GPHN: variants seen among roughly 807,000 people sequenced by gnomAD.
GPHN encodes the protein gephyrin.
Under a neutral mutation model 95.5 loss-of-function variants are expected in GPHN, and 17 were observed. The ratio of observed to expected loss-of-function variants is 0.18; its 90% confidence interval spans 0.12 to 0.27. The LOEUF is 0.27. GPHN is among the 10% of genes least tolerant of loss of function. The pLI is 1.00. For missense variants in GPHN, 660 were observed against 978.1 expected, an observed-to-expected ratio of 0.67 and a Z score of 4.34; for synonymous variants, 320 against 322.5, an observed-to-expected ratio of 0.99 and a Z score of 0.08.
chr14:66,598,651 C>A (rs2062086552), intron 1 of GPHN, among the ~76,000 whole-genome samples: 1 of 152,046 alleles, frequency 6.6e-6, no homozygotes, highest in Non-Finnish European at 1.5e-5. Flanking sequence ...TCAAGACCAG[C>A]CTGACCAACA....
At chr14:66,672,645 A>G (rs534424446) in intron 1 of GPHN, among the ~76,000 whole-genome samples, 15 of 152,170 alleles carry the variant, frequency 9.9e-5, no homozygotes, top group Non-Finnish European at 2.1e-4. Context: ...TCATCCCTTT[A>G]TCATAATATA....
At chr14:66,801,053 A>G (rs770319311) in intron 3 of GPHN, among the ~76,000 whole-genome samples, 1 of 151,824 alleles carries the variant, frequency 6.6e-6, no homozygotes, top group Non-Finnish European at 1.5e-5. Context: ...TAGTTACTTA[A>G]TTCTCTTTGT....
chr14:67,190,879 C>T, the GPHN span, among the ~76,000 whole-genome samples: 1 of 152,172 alleles, frequency 6.6e-6, no homozygotes, highest in Admixed American at 6.5e-5. Context: ...TAATTAACCT[C>T]AAAGCTCCAA....
intron 17 of GPHN, among the ~76,000 whole-genome samples, chr14:67,134,858 CTT>C (rs1053607174): frequency 4.1e-5 from 6 of 147,308 alleles, no homozygotes; most frequent in Non-Finnish European, 6.0e-5. Flanking sequence ...TTCTCTTTCT[CTT>C]TCTTTTTTAA....
chr14:66,707,470 A>G (rs1395786067), intron 2 of GPHN, among the ~76,000 whole-genome samples: 1 of 152,220 alleles, frequency 6.6e-6, no homozygotes, highest in Non-Finnish European at 1.5e-5. Context: ...GCACCATGGA[A>G]CACTATGCAG....
At chr14:66,864,086 A>G (rs998094696) in intron 4 of GPHN, among the ~76,000 whole-genome samples, 8 of 152,212 alleles carry the variant, frequency 5.3e-5, no homozygotes, top group African/African-American at 1.9e-4. Context: ...ATTAATAACC[A>G]GAATATGTAA....
chr14:66,771,061 G>A (rs2059149938), intron 2 of GPHN, among the ~76,000 whole-genome samples: 1 of 152,102 alleles, frequency 6.6e-6, no homozygotes, highest in African/African-American at 2.4e-5. Context: ...ACCCAATGAT[G>A]TCCTTCATCC....
chr14:66,808,581 G>A (rs565616900), intron 3 of GPHN, among the ~76,000 whole-genome samples: 136 of 152,302 alleles, frequency 8.9e-4, no homozygotes, highest in Non-Finnish European at 1.6e-4. Context: ...CGAGGATTAC[G>A]AGGTCAGGAG....
chr14:67,353,967 A>G, the GPHN span: 134 of 78,778 alleles, frequency 1.7e-3, no homozygotes, highest in African/African-American at 0.022. Flanking sequence ...TCCCTTTAGA[A>G]AAAAAAAAAA....
At chr14:66,719,287 C>T (rs1240417222) in intron 2 of GPHN, among the ~76,000 whole-genome samples, 2 of 152,186 alleles carry the variant, frequency 1.3e-5, no homozygotes, top group South Asian at 4.1e-4. Flanking sequence ...TGCTTGTGGA[C>T]CCAGAAAGCT....
the GPHN span, chr14:67,574,344 G>C: frequency 6.3e-7 from 1 of 1,597,806 alleles, no homozygotes; most frequent in Non-Finnish European, 8.5e-7. The surrounding 1 kb of genome is among the most constrained non-coding windows in gnomAD (Gnocchi z 4.2). Flanking sequence ...GCAGGCCACC[G>C]GGCCTCCAGC....
At chr14:66,961,945 T>TATATAC (rs1555452362) in intron 8 of GPHN, among the ~76,000 whole-genome samples, 58 of 79,088 alleles carry the variant, frequency 7.3e-4, no homozygotes, top group Admixed American at 2.0e-3. Context: ...TATATATATA[T>TATATAC]ATACACATAT....
the GPHN span, among the ~76,000 whole-genome samples, chr14:67,205,759 G>A: frequency 1.3e-5 from 2 of 152,184 alleles, no homozygotes; most frequent in Non-Finnish European, 1.5e-5. Context: ...TTGGGCAAAC[G>A]TTAGTGACCG....
At chr14:67,683,664 G>A in the GPHN span, among the ~76,000 whole-genome samples, 2 of 152,314 alleles carry the variant, frequency 1.3e-5, no homozygotes, top group Admixed American at 6.5e-5. Flanking sequence ...CCTCCCTAGA[G>A]AATGGATGAT....
the GPHN span, among the ~76,000 whole-genome samples, chr14:67,712,575 A>G: frequency 2.6e-5 from 4 of 151,854 alleles, no homozygotes; most frequent in Non-Finnish European, 5.9e-5. Flanking sequence ...TTTAAATACA[A>G]ACACACCTTG....
the GPHN span, among the ~76,000 whole-genome samples, chr14:67,320,774 T>C: frequency 6.6e-6 from 1 of 152,150 alleles, no homozygotes; most frequent in Non-Finnish European, 1.5e-5. Flanking sequence ...TAGGAGAAGA[T>C]GAGTAGTAGT....
intron 2 of GPHN, among the ~76,000 whole-genome samples, chr14:66,741,410 G>A (rs1374880755): frequency 4.6e-5 from 7 of 152,154 alleles, no homozygotes; most frequent in East Asian, 3.9e-4. Flanking sequence ...TTAGAGCATA[G>A]TAGAGGATAT....
chr14:66,632,716 C>G (rs2063884345), intron 1 of GPHN, among the ~76,000 whole-genome samples: 1 of 152,044 alleles, frequency 6.6e-6, no homozygotes. Context: ...TGGTCTCCAA[C>G]TTCTGACCTC....
chr14:67,695,727 G>A, the GPHN span: 9 of 1,611,296 alleles, frequency 5.6e-6, no homozygotes, highest in Admixed American at 5.0e-5. Context: ...AGCGGCACCA[G>A]AGCGGGATGC....
Sources: allele counts gnomAD v4.1 joint callset (sites outside exome capture counted in the v4.1 genomes callset), GRCh38; gene constraint gnomAD v4.1.1; non-coding constraint Gnocchi (gnomAD v3.1); transcripts MANE v1.5; gene names NCBI Gene and HGNC (gene_info 2026-07-23, HGNC 2026-07-21).